AFF1: variants seen among roughly 807,000 people sequenced by gnomAD.
AFF1 encodes the protein ALF transcription elongation factor 1, also known as AF4/FMR2 family member 1.
Under a neutral mutation model 121.7 loss-of-function variants are expected in AFF1, and 48 were observed. That is an observed-to-expected ratio of 0.39 (90% CI 0.31 to 0.50). The LOEUF is 0.50. AFF1 is among the 20% of genes least tolerant of loss of function. The pLI is 0.76. For missense variants in AFF1, 1,523 were observed against 1,511.7 expected, an observed-to-expected ratio of 1.01 and a Z score of -0.12; for synonymous variants, 613 against 563.0, an observed-to-expected ratio of 1.09 and a Z score of -1.26.
At chr4:87,013,155 C>T (rs1726971298) in intron 2 of AFF1, among the ~76,000 whole-genome samples, 1 of 143,702 alleles carries the variant, frequency 7.0e-6, no homozygotes, top group Non-Finnish European at 1.5e-5. Flanking sequence ...GCCATTCTGC[C>T]TCAGCCTCCG....
At chr4:86,942,808 C>T (rs1720563434) in intron 1 of AFF1, among the ~76,000 whole-genome samples, 1 of 152,184 alleles carries the variant, frequency 6.6e-6, no homozygotes, top group Non-Finnish European at 1.5e-5. Flanking sequence ...AGCATGAAGA[C>T]AACATGCTAA....
rs193260354 is a variant in AFF1, at chr4:87,046,201, G to A, written c.74G>A (p.Arg25Lys). 9.3e-6 allele frequency: 15 copies of A among 1,613,878 alleles called. No individual in the cohort carries two copies. Among genetic ancestry groups the A allele is most frequent in the African/African-American group, 4.0e-5 (3 of 74,962 alleles). ...YNDDRNLLRIREKERRNQEAH... is the reference protein window; with the variant it reads ...YNDDRNLLRIKEKERRNQEAH... ...GACGACAGAAACCTGCTTCGAATTA[G>A]AGAGAAGGAAAGACGCAACCAGGAA... The change falls in exon 3 of 21, where the codon AGA (arginine) becomes AAA (lysine). Residue 25 changes from arginine (R) to lysine (K), a missense_variant. Around this residue, in one of 5 missense-constraint regions of AFF1, gnomAD observed 369 missense variants for 367.2 expected, o/e 1.00. Coordinates refer to ENST00000395146, the MANE Select transcript of AFF1 (RefSeq NM_001166693.3).
chr4:87,066,340 A>G (rs1721343105), intron 4 of AFF1, among the ~76,000 whole-genome samples: 1 of 152,204 alleles, frequency 6.6e-6, no homozygotes, highest in Non-Finnish European at 1.5e-5. Flanking sequence ...GTAGGGGGTC[A>G]TGCCAGGCTG....
chr4:86,949,593 G>C (rs1721147644), intron 2 of AFF1: 1 of 1,165,484 alleles, frequency 8.6e-7, no homozygotes, highest in Non-Finnish European at 1.2e-6. Context: ...CCGGGTGCTG[G>C]AGAGCTGTGG....
At chr4:86,988,002 A>AC (rs1724421185) in intron 2 of AFF1, among the ~76,000 whole-genome samples, 2 of 87,048 alleles carry the variant, frequency 2.3e-5, no homozygotes, top group Non-Finnish European at 4.7e-5. Context: ...ATTCCCGCCC[A>AC]CCCCCCAACC....
chr4:87,078,262 T>G (rs1722862422), intron 4 of AFF1, among the ~76,000 whole-genome samples: 1 of 152,210 alleles, frequency 6.6e-6, no homozygotes, highest in Non-Finnish European at 1.5e-5. Context: ...ACATGTAGTT[T>G]AGTTTGTTAA....
intron 2 of AFF1, among the ~76,000 whole-genome samples, chr4:86,999,369 A>G (rs374221399): frequency 1.2e-4 from 18 of 152,292 alleles, no homozygotes; most frequent in South Asian, 2.1e-4. Context: ...AGGAGATACT[A>G]TCTTCTTCCT....
At chr4:86,948,460 G>C (rs1037430743) in intron 1 of AFF1, 38 bp from the exon 2 acceptor site, 1 of 1,396,860 alleles carries the variant, frequency 7.2e-7, no homozygotes, top group Non-Finnish European at 9.8e-7. Context: ...TTTACTCACA[G>C]GCTAATGTTC....
chr4:86,965,013 T>G (rs17751986), intron 2 of AFF1, among the ~76,000 whole-genome samples: 2,388 of 152,300 alleles, frequency 0.016, 31 homozygotes, highest in Middle Eastern at 0.027. Context: ...GTTGCTGTCA[T>G]AGAGAGATGG....
chr4:86,946,218 C>G (rs568805107), intron 1 of AFF1, among the ~76,000 whole-genome samples: 1 of 152,118 alleles, frequency 6.6e-6, no homozygotes. Context: ...GACCACCCTA[C>G]GTAGAACCGC....
At position 87,137,202 on chromosome 4, in the gene AFF1, G is replaced by A; in HGVS notation, c.*1501G>A. On this transcript the variant is annotated 3_prime_UTR_variant, in exon 21 of 21. Coordinates refer to ENST00000395146, the MANE Select transcript of AFF1 (RefSeq NM_001166693.3). ...GAATTTGCACACTTACTACAATTGA[G>A]GAGTGTCATCTCTATAACTTTTTCT... 4.4e-6 allele frequency: 1 copy of A among 228,222 alleles called. No homozygotes were observed. Among genetic ancestry groups the A allele is most frequent in the Non-Finnish European group, 8.7e-6 (1 of 114,752 alleles). The allele number at this position is 228,222 out of a possible 1,614,324, so 14.1% of individuals were successfully genotyped here.
chr4:87,132,486 T>A (rs1728927215), intron 19 of AFF1, 78 bp downstream of exon 19: 13 of 1,405,230 alleles, frequency 9.3e-6, no homozygotes, highest in African/African-American at 1.5e-5. Flanking sequence ...CAACCATTTG[T>A]ATGCTTACAT....
intron 5 of AFF1, 52 bp downstream of exon 5, chr4:87,084,216 C>A: frequency 6.4e-7 from 1 of 1,557,946 alleles, no homozygotes; most frequent in Non-Finnish European, 8.9e-7. Flanking sequence ...AGTAGGTAGG[C>A]GTACATCCAT....
intron 2 of AFF1, among the ~76,000 whole-genome samples, chr4:87,026,092 A>T (rs1434525746): frequency 1.5e-5 from 2 of 136,508 alleles, no homozygotes; most frequent in Non-Finnish European, 3.0e-5. Flanking sequence ...GTGGTGGTGC[A>T]TGCCTGTAAG....
intron 2 of AFF1, among the ~76,000 whole-genome samples, chr4:87,002,386 A>T (rs1049682345): frequency 2.0e-5 from 3 of 146,636 alleles, no homozygotes; most frequent in African/African-American, 7.5e-5. Context: ...GTGAGCCACC[A>T]GGCCTGGTCA....
At chr4:87,041,552 A>G (rs918531221) in intron 2 of AFF1, among the ~76,000 whole-genome samples, 4 of 152,198 alleles carry the variant, frequency 2.6e-5, no homozygotes, top group South Asian at 2.1e-4. Flanking sequence ...GCTAATGCAA[A>G]GTACCATCTA....
At chr4:87,009,754 C>T (rs1445291397) in intron 2 of AFF1, among the ~76,000 whole-genome samples, 2 of 152,178 alleles carry the variant, frequency 1.3e-5, no homozygotes, top group Non-Finnish European at 2.9e-5. Context: ...TTCAGGGAAA[C>T]TCTAAAGCTG....
At chr4:87,104,677 A>G (rs183822422) in intron 8 of AFF1, among the ~76,000 whole-genome samples, 1 of 152,326 alleles carries the variant, frequency 6.6e-6, no homozygotes, top group East Asian at 1.9e-4. Flanking sequence ...TGCAGTAAAA[A>G]TTGTTGATCA....
rs888757194 is a variant in AFF1, at chr4:87,114,550, A to G, written c.1717A>G (p.Ser573Gly). ...TGAATCCAAAGATCCTCCCCCTAAA[A>G]GCTCCAGCAAAGCCCCCCGGGCCCC... ...HSESKDPPPK[S>G]SSKAPRAPPE... Residue 573 changes from serine to glycine, a missense_variant, in exon 12 of 21, where the codon AGC becomes GGC. By Grantham distance (56) the Ser-to-Gly change is moderately conservative (BLOSUM62 0). Coordinates refer to ENST00000395146, the MANE Select transcript of AFF1 (RefSeq NM_001166693.3). 1 of 1,610,922 alleles carries G rather than the reference A, an allele frequency of 6.2e-7. No homozygotes were observed. Among genetic ancestry groups the G allele is most frequent in the Admixed American group, 1.7e-5 (1 of 59,814 alleles).
Sources: gnomAD v4.1 joint callset for allele counts (sites outside exome capture counted in the v4.1 genomes callset) on GRCh38, gnomAD v4.1.1 for gene constraint, gnomAD v4.1.1 regional missense constraint, MANE v1.5 for transcripts, NCBI Gene and HGNC (gene_info 2026-07-23, HGNC 2026-07-21) for gene names.